The following HTATSF1 variants were observed in gnomAD, a reference collection of about 807,000 sequenced individuals.
HTATSF1 encodes HIV-1 Tat specific factor 1.
Under a neutral mutation model 46.1 loss-of-function variants are expected in HTATSF1, and 6 were observed. The ratio of observed to expected loss-of-function variants is 0.13; its 90% CI spans 0.07 to 0.26. The LOEUF (loss-of-function observed/expected upper bound fraction) is 0.26, where lower values mean the gene tolerates loss of function less well. HTATSF1 is among the 10% of genes least tolerant of loss of function. The pLI, the probability that HTATSF1 is intolerant of heterozygous loss-of-function variation, is 1.00. For missense variants in HTATSF1, 452 were observed against 559.9 expected (o/e 0.81, Z 1.94); for synonymous variants, 226 against 211.5 (o/e 1.07, Z -0.60).
intron 6 of HTATSF1, among the ~76,000 whole-genome samples, chrX:136,505,896 C>T (rs979633937): frequency 1.3e-4 from 15 of 112,117 alleles, no homozygotes; most frequent in African/African-American, 1.9e-4. Flanking sequence ...AATACAACTC[C>T]GGGATTTCCT....
intron 5 of HTATSF1, among the ~76,000 whole-genome samples, chrX:136,503,964 G>A (rs1250860333): frequency 1.8e-5 from 2 of 111,085 alleles, no homozygotes; most frequent in Non-Finnish European, 3.8e-5. Context: ...TGTACCTCCG[G>A]GGTTCAAGCT....
Position 136,511,903 on chromosome X carries a change from G to T in HTATSF1, c.2158G>T (p.Asp720Tyr), listed in dbSNP as rs1474276124. Residue 720 changes from aspartate (D) to tyrosine (Y), a missense_variant, in exon 9 of 9, where the codon GAT (aspartate) becomes TAT (tyrosine). Around this residue, in one of 3 missense-constraint regions of HTATSF1, gnomAD observed 246 missense variants for 245.3 expected, o/e 1.00. Transcript: ENST00000218364. Reference protein sequence around the residue: ...EEDSSEKLFDDSDERGTLGGF... With the variant: ...EEDSSEKLFDYSDERGTLGGF... ...AGATTCCAGTGAGAAGTTGTTTGAC[G>T]ATTCTGATGAGAGGGGGACTTTGGG... is the stretch of plus-strand genomic sequence containing the variant. 3 of 1,211,756 alleles carry T rather than the reference G, an allele frequency of 2.5e-6. No individual in the cohort carries two copies. Among genetic ancestry groups the T allele is most frequent in the Admixed American group, 2.2e-5 (1 of 46,049 alleles).
chrX:136,511,124 A>G lies in HTATSF1; in HGVS notation c.1379A>G (p.Glu460Gly), dbSNP rs774309741. 8.3e-7 allele frequency: 1 copy of G among 1,210,034 alleles called. No individual in the cohort carries two copies. Among genetic ancestry groups the G allele is most frequent in the Non-Finnish European group, 1.1e-6 (1 of 895,121 alleles). The change falls in exon 9 of 9, where the codon GAA becomes GGA. Residue 460 changes from glutamate to glycine, a missense_variant. Transcript: ENST00000218364. ...AGTAGCCCCGAAAAAGAGGCTGAAG[A>G]AGGCTGCCCTGAAAAAGAATCTGAA... ...KESSPEKEAE[E>G]GCPEKESEEG...
Position 136,510,221 on chromosome X carries a change from T to C in HTATSF1, c.1062+2T>C, listed in dbSNP as rs748295215. 1.7e-6 allele frequency: 2 copies of C among 1,206,377 alleles called. No individual in the cohort carries two copies. Among genetic ancestry groups the C allele is most frequent in the African/African-American group, 1.7e-5 (1 of 57,238 alleles). ...TGGGATGGGACTACAGATTATCAGG[T>C]AAATTTTGCTGCTTGTCAAGGGCAC... On this transcript the variant is annotated splice_donor_variant, in intron 8 of 8. Transcript: ENST00000218364. LOFTEE classifies it high-confidence loss of function.
intron 6 of HTATSF1, among the ~76,000 whole-genome samples, chrX:136,506,581 C>T (rs936165377): frequency 1.2e-4 from 14 of 112,671 alleles, no homozygotes; most frequent in Non-Finnish European, 2.6e-4. Context: ...TCTTTTCATT[C>T]AGCCAGTGGA....
intron 8 of HTATSF1, 73 bp from the exon 9 acceptor site, chrX:136,510,735 A>G (rs1480668472): frequency 9.9e-7 from 1 of 1,006,345 alleles, no homozygotes; most frequent in Non-Finnish European, 1.3e-6. Flanking sequence ...TTGTTTCATC[A>G]ATATTAGATA....
chrX:136,500,355 G>T (rs2075712616), intron 3 of HTATSF1, 150 bp downstream of exon 3: 1 of 481,858 alleles, frequency 2.1e-6, no homozygotes, highest in African/African-American at 2.5e-5. Flanking sequence ...TAAGGAATAT[G>T]TGTGTTCATT....
At chrX:136,500,625 A>G (rs755081866) in intron 3 of HTATSF1, 39 bp from the exon 4 acceptor site, 1 of 914,749 alleles carries the variant, frequency 1.1e-6, no homozygotes, top group Non-Finnish European at 1.5e-6. Context: ...CACCTTCATT[A>G]TCAATTATAA....
At chrX:136,502,255 A>G (rs1346654373) in intron 4 of HTATSF1, among the ~76,000 whole-genome samples, 2 of 112,016 alleles carry the variant, frequency 1.8e-5, no homozygotes, top group Non-Finnish European at 3.8e-5. Flanking sequence ...AAGGCTGTCT[A>G]TGGTGTTCCC....
chrX:136,497,629 G>C lies in HTATSF1; in HGVS notation c.-56G>C, dbSNP rs1399928267. 1.8e-5 allele frequency: 19 copies of C among 1,046,848 alleles called. No individual in the cohort carries two copies. The highest frequency in any genetic ancestry group is 2.5e-5 in the Non-Finnish European group (19 of 772,464). 86.3% of individuals were successfully genotyped at this position (1,046,848 alleles called of 1,213,427 possible). A position where few individuals can be genotyped will look rare whatever the true frequency, so the allele number is the denominator to read the frequency against. ...ACCTCCCTTTCTCTGCTCAGCTCCA[G>C]CGTCATTTCGGCCTCTTAGTTCTTC... On this transcript the variant is annotated 5_prime_UTR_variant, in exon 1 of 9. Transcript: ENST00000218364.
Position 136,497,674 on chromosome X carries a change from A to G in HTATSF1, c.-11A>G, listed in dbSNP as rs2075698365. 8.5e-7 allele frequency: 1 copy of G among 1,179,370 alleles called. No individual in the cohort carries two copies. The highest frequency in any genetic ancestry group is 1.1e-6 in the Non-Finnish European group (1 of 872,391). On this transcript the variant is annotated 5_prime_UTR_variant, in exon 1 of 9. Transcript: ENST00000218364. The stretch of plus-strand genomic sequence containing the variant: ...TTCTTCTGAACCCTGCTCCTGAGCT[A>G]GGTAGGAAACATGAGCGGCACCAAC...
intron 6 of HTATSF1, among the ~76,000 whole-genome samples, chrX:136,504,945 T>A (rs2148521662): frequency 8.9e-6 from 1 of 112,402 alleles, no homozygotes; most frequent in East Asian, 2.8e-4. Context: ...ATGTATCAAC[T>A]TTTTTAAGTG....
chrX:136,506,879 G>A (rs1240224289), intron 6 of HTATSF1, among the ~76,000 whole-genome samples: 1 of 112,417 alleles, frequency 8.9e-6, no homozygotes, highest in Non-Finnish European at 1.9e-5. Context: ...GTAGACTGTA[G>A]CCATGTGTGG....
In HTATSF1 at chrX:136,511,410, A is replaced by G; in HGVS notation, c.1665A>G (p.Lys555=). ...AGTCTGATGAAGACTGCTCTGAAAA[A>G]CAGTCTGAAGATGGCTCCGAAAGAG... The part of the protein sequence containing the change: ...EKESDEDCSE[K]QSEDGSEREF... The change falls in exon 9 of 9, where the codon AAA becomes AAG. Residue 555 remains lysine (K), a synonymous_variant. Coordinates refer to ENST00000218364, the MANE Select transcript of HTATSF1 (RefSeq NM_014500.5). 8.3e-7 allele frequency: 1 copy of G among 1,211,375 alleles called. No homozygotes were observed. Among genetic ancestry groups the G allele is most frequent in the Non-Finnish European group, 1.1e-6 (1 of 895,339 alleles).
At chrX:136,506,517 G>A (rs1394108399) in intron 6 of HTATSF1, among the ~76,000 whole-genome samples, 1 of 112,091 alleles carries the variant, frequency 8.9e-6, no homozygotes, top group Non-Finnish European at 1.9e-5. Context: ...ATATTTATGT[G>A]ATGAAGAATT....
At chrX:136,503,342 A>G (rs1273268607) in intron 5 of HTATSF1, among the ~76,000 whole-genome samples, 3 of 112,187 alleles carry the variant, frequency 2.7e-5, no homozygotes, top group Non-Finnish European at 3.8e-5. Context: ...TTATAATTGT[A>G]TTTACTGTAG....
In HTATSF1 at chrX:136,499,627, G is replaced by T; in HGVS notation, c.216G>T (p.Gln72His). The T allele has an allele frequency of 1.7e-6, 2 of 1,192,042 alleles. No individual in the cohort carries two copies. The highest frequency in any genetic ancestry group is 2.3e-6 in the Non-Finnish European group (2 of 887,913). ...CTGAAGATTTCATTGCTACATATCA[G>T]GCCAATTATGGCTTCTCTAACGATG... ...KITEDFIATY[Q>H]ANYGFSNDGA... The change falls in exon 2 of 9, where the codon CAG (glutamine) becomes CAT (histidine). Residue 72 changes from glutamine to histidine, a missense_variant. Coordinates refer to ENST00000218364, the MANE Select transcript of HTATSF1 (RefSeq NM_014500.5).
intron 4 of HTATSF1, among the ~76,000 whole-genome samples, chrX:136,502,521 C>T (rs945530648): frequency 2.3e-4 from 26 of 110,815 alleles, no homozygotes; most frequent in Non-Finnish European, 4.0e-4. Flanking sequence ...CTACATACGA[C>T]GATATTGGGG....
intron 7 of HTATSF1, among the ~76,000 whole-genome samples, chrX:136,509,603 ATTTATTGCT>A (rs1260071890): frequency 3.6e-5 from 4 of 112,159 alleles, no homozygotes; most frequent in African/African-American, 9.7e-5. Flanking sequence ...AAGAGTCACC[ATTTATTGCT>A]TGTGTATTAC....
Sources: gnomAD v4.1 joint callset for allele counts (sites outside exome capture counted in the v4.1 genomes callset) on GRCh38, gnomAD v4.1.1 for gene constraint, gnomAD v4.1.1 regional missense constraint, MANE v1.5 for transcripts, NCBI Gene and HGNC (gene_info 2026-07-23, HGNC 2026-07-21) for gene names.